PRKG1: variants seen among roughly 807,000 people sequenced by gnomAD.
PRKG1 encodes cGMP-dependent protein kinase 1.
PRKG1 carries 35 observed loss-of-function variants against 88.1 expected under a neutral mutation model. That is an observed-to-expected ratio of 0.40 (90% CI 0.30 to 0.53). The LOEUF is 0.53. Ranked by LOEUF, PRKG1 falls within the 20% of genes least tolerant of loss-of-function variation. PRKG1 has a pLI of 0.59. For missense variants in PRKG1, 540 were observed against 839.8 expected (o/e 0.64, Z 4.41); for synonymous variants, 303 against 292.5 (o/e 1.04, Z -0.37).
At chr10:51,276,885 C>T (rs530148718) in intron 2 of PRKG1, among the ~76,000 whole-genome samples, 5 of 152,192 alleles carry the variant, frequency 3.3e-5, no homozygotes, top group Non-Finnish European at 7.3e-5. Flanking sequence ...GAGCAGATCA[C>T]AAAAATTTTC....
At chr10:52,087,369 T>C (rs569690729) in intron 7 of PRKG1, among the ~76,000 whole-genome samples, 44 of 152,282 alleles carry the variant, frequency 2.9e-4, no homozygotes, top group Non-Finnish European at 5.0e-4. Context: ...ACTTTTGGAC[T>C]TCAGTTCTAC....
At chr10:51,338,780 C>T (rs1841937317) in intron 2 of PRKG1, among the ~76,000 whole-genome samples, 1 of 152,166 alleles carries the variant, frequency 6.6e-6, no homozygotes, top group Non-Finnish European at 1.5e-5. Context: ...ATTGTACAGT[C>T]ATAAATATTA....
intron 14 of PRKG1, among the ~76,000 whole-genome samples, chr10:52,286,183 C>A (rs1842112155): frequency 6.6e-6 from 1 of 151,916 alleles, no homozygotes; most frequent in East Asian, 1.9e-4. Flanking sequence ...GGCATCAAAG[C>A]CATAAAAACA....
intron 9 of PRKG1, among the ~76,000 whole-genome samples, chr10:52,186,138 A>G (rs1273842957): frequency 6.6e-6 from 1 of 152,136 alleles, no homozygotes; most frequent in Non-Finnish European, 1.5e-5. Flanking sequence ...AAGAAAAGAG[A>G]TTTAATTGGC....
intron 8 of PRKG1, among the ~76,000 whole-genome samples, chr10:52,148,068 C>T (rs974684027): frequency 2.0e-5 from 3 of 152,128 alleles, no homozygotes; most frequent in African/African-American, 7.2e-5. Context: ...AATCAGTGTA[C>T]TATGTAAGAA....
intron 7 of PRKG1, 116 bp downstream of exon 7, chr10:52,062,747 T>C (rs765809371): frequency 6.5e-6 from 5 of 767,666 alleles, no homozygotes; most frequent in Non-Finnish European, 1.2e-5. Context: ...CAATATCAAA[T>C]ATGGACCCTT....
chr10:52,194,500 T>C (rs1369306500), intron 9 of PRKG1, among the ~76,000 whole-genome samples: 2 of 152,144 alleles, frequency 1.3e-5, no homozygotes, highest in Admixed American at 1.3e-4. Context: ...CTGGAATTAG[T>C]ATTTGAGTTA....
chr10:51,196,161 G>A (rs922737612), intron 2 of PRKG1, among the ~76,000 whole-genome samples: 1 of 152,170 alleles, frequency 6.6e-6, no homozygotes, highest in Non-Finnish European at 1.5e-5. Flanking sequence ...GACAAGGTTG[G>A]TGTTTAGCAT....
intron 7 of PRKG1, among the ~76,000 whole-genome samples, chr10:52,092,209 C>T (rs74135139): frequency 0.011 from 1,655 of 152,168 alleles, 33 homozygotes; most frequent in African/African-American, 0.037. Flanking sequence ...TATGACAATA[C>T]GCATTTTAGG....
At chr10:52,059,915 C>T (rs183509010) in intron 6 of PRKG1, among the ~76,000 whole-genome samples, 245 of 151,722 alleles carry the variant, frequency 1.6e-3, no homozygotes, top group African/African-American at 5.4e-3. Flanking sequence ...AGAAAATGTT[C>T]GAGTCTTTTA....
At chr10:52,021,719 G>GTGA (rs60275973) in intron 5 of PRKG1, among the ~76,000 whole-genome samples, 1,943 of 152,154 alleles carry the variant, frequency 0.013, 42 homozygotes, top group African/African-American at 0.044. Flanking sequence ...GAAATTTTTT[G>GTGA]TGATGATGAT....
chr10:51,692,046 T>C (rs1315809545), intron 3 of PRKG1, among the ~76,000 whole-genome samples: 1 of 152,200 alleles, frequency 6.6e-6, no homozygotes, highest in Non-Finnish European at 1.5e-5. Flanking sequence ...TAGCCAAAGA[T>C]AGGAAATATA....
chr10:51,665,917 A>ATG (rs368796918), intron 3 of PRKG1, among the ~76,000 whole-genome samples: 260 of 150,348 alleles, frequency 1.7e-3, no homozygotes, highest in Middle Eastern at 3.4e-3. Flanking sequence ...ATTTATGAAT[A>ATG]TGTGTGTGTG....
intron 2 of PRKG1, among the ~76,000 whole-genome samples, chr10:51,405,351 T>G (rs1453062598): frequency 1.3e-5 from 2 of 152,188 alleles, no homozygotes; most frequent in African/African-American, 4.8e-5. Context: ...CCTTTAACCC[T>G]TAGAGGAGTT....
intron 1 of PRKG1, among the ~76,000 whole-genome samples, chr10:51,047,147 G>T (rs941165297): frequency 1.3e-5 from 2 of 152,248 alleles, no homozygotes; most frequent in Admixed American, 1.3e-4. Context: ...TCTTTTAGCT[G>T]GTACTATCCA....
upstream of PRKG1, among the ~76,000 whole-genome samples, chr10:51,073,799 G>A (rs1037231642): frequency 6.6e-6 from 1 of 152,124 alleles, no homozygotes; most frequent in Non-Finnish European, 1.5e-5. Context: ...CGACTCGCTC[G>A]CATCTCCTGA....
intron 1 of PRKG1, among the ~76,000 whole-genome samples, chr10:51,018,549 A>G (rs1589109417): frequency 6.6e-6 from 1 of 152,208 alleles, no homozygotes; most frequent in South Asian, 2.1e-4. Context: ...GGTAGATAAA[A>G]TCAGTTTTTT....
At chr10:51,157,760 G>A (rs944836934) in intron 2 of PRKG1, among the ~76,000 whole-genome samples, 7 of 151,642 alleles carry the variant, frequency 4.6e-5, no homozygotes, top group Non-Finnish European at 1.0e-4. Context: ...AGTGTCCTTT[G>A]ACTATTGGTT....
chr10:51,112,345 A>G (rs188060788), intron 1 of PRKG1, among the ~76,000 whole-genome samples: 1 of 152,294 alleles, frequency 6.6e-6, no homozygotes, highest in Non-Finnish European at 1.5e-5. Flanking sequence ...TTAACACAGA[A>G]ATAAAAATGT....
Sources: gnomAD v4.1 joint callset for allele counts (sites outside exome capture counted in the v4.1 genomes callset) on GRCh38, gnomAD v4.1.1 for gene constraint, MANE v1.5 for transcripts, NCBI Gene and HGNC (gene_info 2026-07-23, HGNC 2026-07-21) for gene names.